Variants in RPAP2 observed in about 807,000 individuals in gnomAD.
RPAP2 encodes RNA polymerase II associated protein 2, also known as putative RNA polymerase II subunit B1 CTD phosphatase RPAP2.
In RPAP2, 52 loss-of-function variants were observed where a neutral mutation model predicts 73.1. The observed-to-expected ratio is 0.71, with a 90% CI of 0.57 to 0.90. RPAP2 has a LOEUF of 0.90. Ranked by LOEUF, RPAP2 falls within the 40% of genes least tolerant of loss-of-function variation. The pLI is 0.00. For synonymous variants in RPAP2, 225 were observed against 242.1 expected (o/e 0.93, Z 0.65); for missense variants, 598 against 701.8 (o/e 0.85, Z 1.67).
chr1:92,350,047 A>G (rs939994591), intron 11 of RPAP2, among the ~76,000 whole-genome samples: 9 of 152,226 alleles, frequency 5.9e-5, no homozygotes, highest in Non-Finnish European at 1.2e-4. Context: ...TGCACACTCA[A>G]TGAAATGCAT....
Position 92,304,075 on chromosome 1 carries a change from T to C in RPAP2, c.333T>C (p.Ile111=). 1 of 1,585,100 alleles carries C rather than the reference T, an allele frequency of 6.3e-7. No homozygotes were observed. Among genetic ancestry groups the C allele is most frequent in the Non-Finnish European group, 8.6e-7 (1 of 1,163,734 alleles). Residue 111 remains isoleucine, a splice_region_variant and synonymous_variant, in exon 4 of 13, where the codon ATT becomes ATC. Transcript: ENST00000610020. ...CTTTATGTCAGAAGAAGCTGGGAAT[T>C]GTAAGTAACTCATTTTTTTTAAAAT... is the stretch of plus-strand genomic sequence containing the variant. ...GYPLCQKKLG[I]VPKQKYKIST...
rs1422898968 is a variant in RPAP2, at chr1:92,323,788, C to T, written c.868C>T (p.Leu290Phe). The change falls in exon 8 of 13, where the codon CTT becomes TTT. Residue 290 changes from leucine to phenylalanine, a missense_variant. Leu to Phe is a conservative substitution (Grantham distance 22, BLOSUM62 0). Coordinates refer to ENST00000610020, the MANE Select transcript of RPAP2 (RefSeq NM_024813.3). ...TCAGGAGAAAGATGCTACATGTGAA[C>T]TTCCTTTACAGAAAGTAAATACTCA... is the stretch of plus-strand genomic sequence containing the variant. ...DSQEKDATCE[L>F]PLQKVNTQSS... 1 of 1,614,104 alleles carries T rather than the reference C, an allele frequency of 6.2e-7. No homozygotes were observed. The highest frequency in any genetic ancestry group is 1.1e-5 in the South Asian group (1 of 91,084).
chr1:92,349,031 A>G (rs1351593182), intron 11 of RPAP2, among the ~76,000 whole-genome samples: 4 of 152,366 alleles, frequency 2.6e-5, no homozygotes, highest in African/African-American at 9.6e-5. Context: ...CCCACCTTTC[A>G]GCCTTTTAGC....
intron 12 of RPAP2, among the ~76,000 whole-genome samples, chr1:92,381,632 C>A (rs2101450152): frequency 7.2e-6 from 1 of 138,466 alleles, no homozygotes; most frequent in Admixed American, 7.7e-5. Flanking sequence ...AAAAGCAATA[C>A]AGAATGTTGT....
At chr1:92,351,874 C>T (rs1265990680) in intron 11 of RPAP2, among the ~76,000 whole-genome samples, 2 of 152,006 alleles carry the variant, frequency 1.3e-5, no homozygotes, top group African/African-American at 4.8e-5. Flanking sequence ...TGTAAATAAG[C>T]CACTACTTTG....
intron 8 of RPAP2, 141 bp from the exon 9 acceptor site, chr1:92,333,244 CAAATTT>C (rs755085479): frequency 1.1e-5 from 7 of 611,646 alleles, no homozygotes; most frequent in Non-Finnish European, 2.0e-5. Flanking sequence ...AGTTGATACT[CAAATTT>C]AAATCTAATT....
chr1:92,302,978 C>T (rs981710984), intron 3 of RPAP2, among the ~76,000 whole-genome samples: 4 of 152,044 alleles, frequency 2.6e-5, no homozygotes, highest in African/African-American at 9.7e-5. Context: ...GCGGTAGGAT[C>T]GCTTGAGCCC....
At chr1:92,383,616 G>C (rs1370517513) in intron 12 of RPAP2, among the ~76,000 whole-genome samples, 1 of 152,198 alleles carries the variant, frequency 6.6e-6, no homozygotes, top group Admixed American at 6.5e-5. Context: ...CATTGATTTT[G>C]TATCCTGAGA....
At chr1:92,341,073 A>T (rs943866503) in intron 10 of RPAP2, among the ~76,000 whole-genome samples, 7 of 152,062 alleles carry the variant, frequency 4.6e-5, no homozygotes, top group Non-Finnish European at 7.3e-5. Flanking sequence ...CCGTGTCGTG[A>T]TCTCAACTCA....
At chr1:92,323,324 A>G (rs1652421515) in intron 7 of RPAP2, 121 bp from the exon 8 acceptor site, 2 of 575,862 alleles carry the variant, frequency 3.5e-6, no homozygotes, top group Non-Finnish European at 2.8e-6. Context: ...TCTGGGGAAT[A>G]AAAATTTCTA....
chr1:92,342,898 T>C (rs1653678006), intron 10 of RPAP2, among the ~76,000 whole-genome samples: 3 of 152,180 alleles, frequency 2.0e-5, no homozygotes, highest in Admixed American at 2.0e-4. Context: ...CAATTTTGGC[T>C]CTACCAAATT....
chr1:92,382,295 T>A (rs1468841114), intron 12 of RPAP2, among the ~76,000 whole-genome samples: 1 of 152,200 alleles, frequency 6.6e-6, no homozygotes, highest in Non-Finnish European at 1.5e-5. Flanking sequence ...AGTAATGGGA[T>A]AGCTGGGTCA....
intron 8 of RPAP2, among the ~76,000 whole-genome samples, chr1:92,328,158 T>A (rs1014783306): frequency 5.3e-5 from 8 of 152,220 alleles, no homozygotes; most frequent in African/African-American, 1.9e-4. Flanking sequence ...TATGATGAGT[T>A]TCCCAGGTGT....
intron 3 of RPAP2, among the ~76,000 whole-genome samples, chr1:92,303,160 AAC>A (rs1382010174): frequency 6.6e-6 from 1 of 152,240 alleles, no homozygotes; most frequent in African/African-American, 2.4e-5. Context: ...CTATTACAAA[AAC>A]ACTTCTTAGT....
Position 92,394,782 on chromosome 1 carries a change from A to T in RPAP2, c.*7771A>T, listed in dbSNP as rs1309006541. On this transcript the variant is annotated 3_prime_UTR_variant, in exon 13 of 13. Coordinates refer to ENST00000610020, the MANE Select transcript of RPAP2 (RefSeq NM_024813.3). ...TTCTCCCCAAATTAATCTACAATGCAATCCCTATCAAAATCACAGCAGGCT... is the reference window on the plus strand; with the variant it reads ...TTCTCCCCAAATTAATCTACAATGCTATCCCTATCAAAATCACAGCAGGCT... The T allele has an allele frequency of 6.6e-6, 1 of 152,244 alleles. No individual in the cohort carries two copies. The highest frequency in any genetic ancestry group is 1.5e-5 in the Non-Finnish European group (1 of 68,050). 9.4% of individuals were successfully genotyped at this position (152,244 alleles called of 1,614,324 possible).
rs71091273 is a variant in RPAP2 at position 92,305,432 on chromosome 1, C to CAAAAAAAAAAAA, written c.399+1091_399+1102dup. ...GGGGCAACAGAGTGAGGCTCCGTCT[C>CAAAAAAAAAAAA]AAAAAAAAAAAAAAAAAAAGACAAT... is the stretch of plus-strand genomic sequence containing the variant. On this transcript the variant is annotated intron_variant, in intron 5 of 12. Transcript: ENST00000610020. Among the ~76,000 whole-genome samples the CAAAAAAAAAAAA allele has an allele frequency of 2.3e-3, 121 of 52,650 alleles. 10 individuals are homozygous for CAAAAAAAAAAAA. Among genetic ancestry groups the CAAAAAAAAAAAA allele is most frequent in the African/African-American group, 0.012 (88 of 7,522 alleles). The allele number at this position is 52,650 out of a possible 152,430, so 34.5% of individuals were successfully genotyped here.
At chr1:92,380,931 T>TA in intron 12 of RPAP2, 58 bp downstream of exon 12, 1 of 1,402,218 alleles carries the variant, frequency 7.1e-7, no homozygotes, top group Non-Finnish European at 9.5e-7. Context: ...CTATGTGGAT[T>TA]CTTTTTTTTT....
At chr1:92,357,313 C>T (rs12240065) in intron 11 of RPAP2, among the ~76,000 whole-genome samples, 16,077 of 151,986 alleles carry the variant, frequency 0.11, 942 homozygotes, top group South Asian at 0.19. Context: ...GAAAAAGGCA[C>T]AAAATATTGT....
At chr1:92,342,670 C>T (rs932326640) in intron 10 of RPAP2, among the ~76,000 whole-genome samples, 1 of 152,066 alleles carries the variant, frequency 6.6e-6, no homozygotes, top group Non-Finnish European at 1.5e-5. Context: ...AATGGTGTGA[C>T]TGAAGAGAAA....
Sources: gnomAD v4.1 joint callset for allele counts (sites outside exome capture counted in the v4.1 genomes callset) on GRCh38, gnomAD v4.1.1 for gene constraint, MANE v1.5 for transcripts, NCBI Gene and HGNC (gene_info 2026-07-23, HGNC 2026-07-21) for gene names.